The following DLC1 variants were observed in gnomAD, a reference collection of about 807,000 sequenced individuals.
DLC1 encodes the protein rho GTPase-activating protein 7.
Under a neutral mutation model 140.3 loss-of-function variants are expected in DLC1, and 54 were observed. That is an observed-to-expected ratio of 0.38 (90% CI 0.31 to 0.48). The LOEUF (loss-of-function observed/expected upper bound fraction) is 0.48. Ranked by LOEUF, DLC1 falls within the 20% of genes least tolerant of loss-of-function variation. The probability of loss-of-function intolerance (pLI) is 0.96; values close to 1 mark genes in which losing one functional copy is unlikely to be tolerated. For synonymous variants in DLC1, 986 were observed against 728.1 expected (o/e 1.35, Z -5.70); for missense variants, 2,536 against 1,907.0 (o/e 1.33, Z -6.14).
chr8:13,366,028 A>G (rs921452657), intron 4 of DLC1, among the ~76,000 whole-genome samples: 1 of 152,214 alleles, frequency 6.6e-6, no homozygotes, highest in Non-Finnish European at 1.5e-5. Flanking sequence ...GTGATCCTTC[A>G]GTCAGGTGAA....
At chr8:13,427,747 G>A (rs1450224378) in intron 2 of DLC1, among the ~76,000 whole-genome samples, 1 of 152,116 alleles carries the variant, frequency 6.6e-6, no homozygotes, top group East Asian at 1.9e-4. Flanking sequence ...ACCCCAAAAT[G>A]TGAGGTCCTT....
chr8:13,405,616 C>T (rs181114645), intron 2 of DLC1, among the ~76,000 whole-genome samples: 1 of 152,234 alleles, frequency 6.6e-6, no homozygotes, highest in Admixed American at 6.5e-5. Flanking sequence ...ATGTTGGTTT[C>T]CCTCCATGTT....
In DLC1 at chr8:13,453,426, G is replaced by GTATATATA. The variant is rs1185667826; in HGVS notation, c.1023+45615_1023+45622dup. On this transcript the variant is annotated intron_variant, in intron 2 of 17. Transcript: ENST00000276297. ...TGTGTATATATATATATATATATGT[G>GTATATATA]TATATATATATGTATATATATACAT... is the stretch of plus-strand genomic sequence containing the variant. 2.0e-3 allele frequency among the ~76,000 whole-genome samples: 25 copies of GTATATATA among 12,684 alleles called. No individual in the cohort carries two copies. In the South Asian group the frequency reaches 0.04, roughly 20 times the overall value. 8.3% of individuals were successfully genotyped at this position (12,684 alleles called of 152,430 possible). A position where few individuals can be genotyped will look rare whatever the true frequency, so the allele number is the denominator to read the frequency against.
At chr8:13,531,132 CCTGGAA>C (rs1803084097) in intron 1 of DLC1, among the ~76,000 whole-genome samples, 1 of 152,092 alleles carries the variant, frequency 6.6e-6, no homozygotes. Flanking sequence ...AGGGTTGTTT[CCTGGAA>C]CTGAATTGCT....
intron 3 of DLC1, among the ~76,000 whole-genome samples, chr8:13,398,970 G>A (rs1310148422): frequency 6.6e-6 from 1 of 152,144 alleles, no homozygotes; most frequent in East Asian, 1.9e-4. Flanking sequence ...TAAGAGATAA[G>A]TGCAAGTAAA....
chr8:13,493,795 A>G (rs1011032836), intron 2 of DLC1, among the ~76,000 whole-genome samples: 2 of 151,938 alleles, frequency 1.3e-5, no homozygotes, highest in African/African-American at 4.8e-5. Flanking sequence ...TATCTTCTTT[A>G]TGTCACCCAT....
intron 4 of DLC1, among the ~76,000 whole-genome samples, chr8:13,321,230 G>A (rs538844961): frequency 1.3e-5 from 2 of 152,140 alleles, no homozygotes; most frequent in Non-Finnish European, 2.9e-5. Context: ...AAACTGGAGA[G>A]TATTAAGTGA....
chr8:13,311,436 A>G (rs1231147101), intron 4 of DLC1, among the ~76,000 whole-genome samples: 5 of 152,192 alleles, frequency 3.3e-5, no homozygotes, highest in African/African-American at 9.6e-5. Context: ...AAAAGAGATG[A>G]TGTGCTGGTG....
chr8:13,224,898 T>C (rs1342287515), intron 5 of DLC1, among the ~76,000 whole-genome samples: 1 of 152,218 alleles, frequency 6.6e-6, no homozygotes, highest in East Asian at 1.9e-4. Flanking sequence ...ACTAAAAAAA[T>C]TGTAGAAAGT....
At chr8:13,306,427 T>C (rs1239541460) in intron 4 of DLC1, among the ~76,000 whole-genome samples, 2 of 152,148 alleles carry the variant, frequency 1.3e-5, no homozygotes, top group African/African-American at 4.8e-5. Flanking sequence ...TGGGATTTGA[T>C]GCCTTCCACC....
At chr8:13,416,939 T>C (rs993303582) in intron 2 of DLC1, among the ~76,000 whole-genome samples, 1 of 152,126 alleles carries the variant, frequency 6.6e-6, no homozygotes, top group African/African-American at 2.4e-5. Flanking sequence ...TATTAAAATC[T>C]GTTATGTGCC....
At chr8:13,238,747 T>C (rs1361752119) in intron 5 of DLC1, among the ~76,000 whole-genome samples, 4 of 152,110 alleles carry the variant, frequency 2.6e-5, no homozygotes, top group Non-Finnish European at 4.4e-5. Flanking sequence ...GGCCCTGGGT[T>C]ACACAGTAAG....
At chr8:13,101,860 G>T (rs573524848) in intron 8 of DLC1, among the ~76,000 whole-genome samples, 1 of 152,164 alleles carries the variant, frequency 6.6e-6, no homozygotes, top group African/African-American at 2.4e-5. Context: ...ACGGACTATT[G>T]CATCTTGGCC....
chr8:13,298,197 C>G (rs1004669427), intron 5 of DLC1, among the ~76,000 whole-genome samples: 1 of 152,088 alleles, frequency 6.6e-6, no homozygotes, highest in Non-Finnish European at 1.5e-5. Flanking sequence ...TTATGGCCAA[C>G]CAAATAAGCT....
intron 5 of DLC1, among the ~76,000 whole-genome samples, chr8:13,262,418 T>A (rs922906928): frequency 6.6e-6 from 1 of 152,188 alleles, no homozygotes; most frequent in African/African-American, 2.4e-5. Context: ...GTTTGACTTG[T>A]GTCCTTCTGG....
At chr8:13,283,325 C>CAG (rs557755589) in intron 5 of DLC1, among the ~76,000 whole-genome samples, 4,957 of 150,584 alleles carry the variant, frequency 0.033, 130 homozygotes, top group African/African-American at 0.071. Flanking sequence ...CACACACACA[C>CAG]AGAAAAGAAA....
At chr8:13,408,233 G>A (rs1837647292) in intron 2 of DLC1, among the ~76,000 whole-genome samples, 1 of 152,108 alleles carries the variant, frequency 6.6e-6, no homozygotes, top group Admixed American at 6.6e-5. Context: ...TTAATAATAT[G>A]TGCCACTATG....
At chr8:13,581,936 G>A (rs1410189211) in intron 1 of DLC1, among the ~76,000 whole-genome samples, 1 of 152,134 alleles carries the variant, frequency 6.6e-6, no homozygotes, top group South Asian at 2.1e-4. Flanking sequence ...AAAATTTAAT[G>A]CATTTAAAAA....
chr8:13,164,054 T>C (rs938722923), intron 5 of DLC1, among the ~76,000 whole-genome samples: 3 of 152,098 alleles, frequency 2.0e-5, no homozygotes, highest in Non-Finnish European at 4.4e-5. Flanking sequence ...CCCAGCGCTT[T>C]GGGAGGCCGA....
Sources: gnomAD v4.1 joint callset for allele counts (sites outside exome capture counted in the v4.1 genomes callset) on GRCh38, gnomAD v4.1.1 for gene constraint, MANE v1.5 for transcripts, NCBI Gene and HGNC (gene_info 2026-07-23, HGNC 2026-07-21) for gene names.